The following ARID1B variants were observed in gnomAD, a reference collection of about 807,000 sequenced individuals.
ARID1B encodes the protein AT-rich interaction domain 1B.
In ARID1B, 30 loss-of-function variants were observed where a neutral mutation model predicts 212.3. The observed-to-expected ratio is 0.14, with a 90% CI of 0.11 to 0.19. The LOEUF is 0.19. Among genes scored for constraint, ARID1B ranks in the 10% least tolerant of loss-of-function variants. The probability of loss-of-function intolerance (pLI) is 1.00; values close to 1 mark genes in which losing one functional copy is unlikely to be tolerated. For synonymous variants in ARID1B, 1,402 were observed against 1,301.7 expected, an observed-to-expected ratio of 1.08 and a Z score of -1.66; for missense variants, 2,891 against 3,204.0, an observed-to-expected ratio of 0.90 and a Z score of 2.36.
intron 4 of ARID1B, among the ~76,000 whole-genome samples, chr6:157,081,689 G>A (rs1351756298): frequency 6.6e-6 from 1 of 152,128 alleles, no homozygotes; most frequent in African/African-American, 2.4e-5. Flanking sequence ...CCCTCTTAAT[G>A]CCCATCCGTG....
At chr6:156,800,182 G>A (rs1441048109) in intron 1 of ARID1B, among the ~76,000 whole-genome samples, 1 of 152,216 alleles carries the variant, frequency 6.6e-6, no homozygotes, top group Non-Finnish European at 1.5e-5. Context: ...TGCATTTCAT[G>A]TGTCTGAAGA....
In ARID1B at chr6:157,049,619, A is replaced by AT. The variant is rs1335787918; in HGVS notation, c.2248-35036dup. Among the ~76,000 whole-genome samples, 36 of 152,236 alleles carry AT rather than the reference A, an allele frequency of 2.4e-4. 1 individual carries two copies. Among genetic ancestry groups the AT allele is most frequent in the African/African-American group, 7.5e-4 (31 of 41,540 alleles). Reference sequence around the variant, plus strand: ...AAATTAAGTTTTCCTTTCAGAATAAATTTTTTTGTATCTCATTGAGGAAGA... The same window carrying AT: ...AAATTAAGTTTTCCTTTCAGAATAAATTTTTTTTGTATCTCATTGAGGAAGA... On this transcript the variant is annotated intron_variant, in intron 4 of 19. Coordinates refer to ENST00000636930, the MANE Select transcript of ARID1B (RefSeq NM_001374828.1).
intron 2 of ARID1B, among the ~76,000 whole-genome samples, chr6:156,866,016 T>C (rs1312005095): frequency 6.6e-6 from 1 of 152,200 alleles, no homozygotes; most frequent in East Asian, 1.9e-4. Context: ...CAAGTAATTA[T>C]TGGTTGCCTG....
intron 4 of ARID1B, among the ~76,000 whole-genome samples, chr6:157,063,792 C>G (rs1036503771): frequency 6.6e-6 from 1 of 152,156 alleles, no homozygotes; most frequent in Non-Finnish European, 1.5e-5. Context: ...TTTTTCATGA[C>G]TTATCACAGG....
At chr6:156,830,320 C>T (rs1332182159) in intron 2 of ARID1B, among the ~76,000 whole-genome samples, 1 of 152,206 alleles carries the variant, frequency 6.6e-6, no homozygotes, top group African/African-American at 2.4e-5. Context: ...GCTGGGGCGT[C>T]CCATGGTGCG....
intron 3 of ARID1B, among the ~76,000 whole-genome samples, chr6:156,929,577 C>G (rs11961989): frequency 0.015 from 2,267 of 152,304 alleles, 55 homozygotes; most frequent in African/African-American, 0.051. Flanking sequence ...CTACTCAAAT[C>G]GTCATTCATT....
At chr6:156,979,403 A>T (rs1202165336) in intron 4 of ARID1B, among the ~76,000 whole-genome samples, 1 of 152,114 alleles carries the variant, frequency 6.6e-6, no homozygotes, top group Non-Finnish European at 1.5e-5. Flanking sequence ...TGCCCCAGTG[A>T]TGAGTTTGGG....
chr6:156,930,207 G>A (rs1791585163), intron 3 of ARID1B, among the ~76,000 whole-genome samples: 1 of 152,164 alleles, frequency 6.6e-6, no homozygotes, highest in African/African-American at 2.4e-5. Flanking sequence ...GATCATGGGG[G>A]CGGTTTCTCT....
intron 4 of ARID1B, among the ~76,000 whole-genome samples, chr6:156,989,456 A>G (rs1052009889): frequency 1.3e-5 from 2 of 152,278 alleles, no homozygotes; most frequent in African/African-American, 2.4e-5. Context: ...GGAATTCGTC[A>G]TAGCTGTACT....
In ARID1B at chr6:156,802,485, T is replaced by C. The variant is rs191387060; in HGVS notation, c.1791+23014T>C. Among the ~76,000 whole-genome samples the C allele has an allele frequency of 2.5e-4, 38 of 152,332 alleles. No individual in the cohort carries two copies. The East Asian group carries it at 6.0e-3, about 24-fold the overall frequency. On this transcript the variant is annotated intron_variant, in intron 1 of 19. Transcript: ENST00000636930. ...AATAAAATATTTAAATCATATACTT[T>C]TTAGTTTTAAAATATCAAATGTTAA... is the stretch of plus-strand genomic sequence containing the variant.
At chr6:157,088,496 C>T (rs6906185) in intron 5 of ARID1B, among the ~76,000 whole-genome samples, 73,879 of 151,992 alleles carry the variant, frequency 0.49, 18,652 homozygotes, top group Middle Eastern at 0.63. Flanking sequence ...CCTAGGCACC[C>T]TGTCCTTTCG....
At chr6:157,109,834 A>G (rs544199874) in intron 5 of ARID1B, among the ~76,000 whole-genome samples, 48 of 152,342 alleles carry the variant, frequency 3.2e-4, no homozygotes, top group African/African-American at 1.0e-3. Flanking sequence ...TATTTGGAAA[A>G]GACAAACTGA....
At chr6:157,137,042 G>A (rs1434349452) in intron 7 of ARID1B, among the ~76,000 whole-genome samples, 1 of 152,032 alleles carries the variant, frequency 6.6e-6, no homozygotes, top group Non-Finnish European at 1.5e-5. Flanking sequence ...TTAGCCAGTT[G>A]TGATGGCACA....
At chr6:156,795,215 G>A (rs1354579228) in intron 1 of ARID1B, among the ~76,000 whole-genome samples, 1 of 152,130 alleles carries the variant, frequency 6.6e-6, no homozygotes, top group East Asian at 1.9e-4. Flanking sequence ...GCACACGGTG[G>A]CTGTTAGGTC....
rs557694378 is a variant in ARID1B, at chr6:157,118,336, A to G, written c.2581+7775A>G. On this transcript the variant is annotated intron_variant, in intron 6 of 19. Coordinates refer to ENST00000636930, the MANE Select transcript of ARID1B (RefSeq NM_001374828.1). ...AGTAGATCTGCAGATGCTGAGATGT[A>G]TCATAAGATATACTGGTTGTCAGAA... 3.9e-5 allele frequency among the ~76,000 whole-genome samples: 6 copies of G among 152,330 alleles called. No individual in the cohort carries two copies. In the South Asian group the frequency reaches 1.2e-3, roughly 32 times the overall value.
chr6:157,138,123 G>T (rs1468201688), intron 7 of ARID1B, among the ~76,000 whole-genome samples: 1 of 152,198 alleles, frequency 6.6e-6, no homozygotes, highest in Non-Finnish European at 1.5e-5. Context: ...CTGGCTACTT[G>T]TGGGTACCTT....
intron 4 of ARID1B, among the ~76,000 whole-genome samples, chr6:157,047,353 A>G (rs1259630193): frequency 6.6e-6 from 1 of 152,232 alleles, no homozygotes. Context: ...TTGGCATTAT[A>G]TGCAAAATCA....
At chr6:156,792,736 C>A (rs1297965081) in intron 1 of ARID1B, among the ~76,000 whole-genome samples, 1 of 152,126 alleles carries the variant, frequency 6.6e-6, no homozygotes, top group Non-Finnish European at 1.5e-5. Context: ...CAAAGCTGAG[C>A]TTTTCCTGTG....
chr6:157,049,358 G>C (rs1255059664), intron 4 of ARID1B, among the ~76,000 whole-genome samples: 1 of 152,212 alleles, frequency 6.6e-6, no homozygotes, highest in East Asian at 1.9e-4. Context: ...CTTGCAGTAG[G>C]TGTGGCCTTA....
Sources: allele counts gnomAD v4.1 joint callset (sites outside exome capture counted in the v4.1 genomes callset), GRCh38; gene constraint gnomAD v4.1.1; transcripts MANE v1.5; gene names NCBI Gene and HGNC (gene_info 2026-07-23, HGNC 2026-07-21).